Variants in CCDC83 observed in about 807,000 individuals in gnomAD.
CCDC83 encodes the protein coiled-coil domain containing 83.
CCDC83 carries 54 observed loss-of-function variants against 50.1 expected under a neutral mutation model. The observed-to-expected ratio is 1.08, with a 90% CI of 0.87 to 1.35. The LOEUF (loss-of-function observed/expected upper bound fraction) is 1.35. Among genes scored for constraint, CCDC83 ranks in the 40% most tolerant of loss-of-function variants. The pLI, the probability that CCDC83 is intolerant of heterozygous loss-of-function variation, is 0.00. For missense variants in CCDC83, 518 were observed against 473.9 expected, an observed-to-expected ratio of 1.09 and a Z score of -0.86; for synonymous variants, 161 against 153.3, an observed-to-expected ratio of 1.05 and a Z score of -0.37.
chr11:85,891,021 G>T (rs1433044423), intron 5 of CCDC83, among the ~76,000 whole-genome samples: 1 of 152,108 alleles, frequency 6.6e-6, no homozygotes, highest in African/African-American at 2.4e-5. Flanking sequence ...GGAAAGGGAA[G>T]ACTGAAGACA....
chr11:85,886,424 C>A (rs1453696015), intron 5 of CCDC83, 57 bp downstream of exon 5: 3 of 1,384,384 alleles, frequency 2.2e-6, no homozygotes, highest in Admixed American at 2.5e-5. Flanking sequence ...GTAGGGCATA[C>A]ATTGATGGAA....
intron 2 of CCDC83, among the ~76,000 whole-genome samples, chr11:85,870,449 A>C (rs1211500456): frequency 6.6e-6 from 1 of 152,256 alleles, no homozygotes; most frequent in African/African-American, 2.4e-5. Flanking sequence ...GGTTCTTTTC[A>C]GATAATTTTC....
intron 3 of CCDC83, among the ~76,000 whole-genome samples, chr11:85,879,630 T>C (rs1448162895): frequency 6.6e-6 from 1 of 152,052 alleles, no homozygotes; most frequent in African/African-American, 2.4e-5. Flanking sequence ...AACAATTTTT[T>C]TTTTTTTGAG....
In CCDC83 at chr11:85,916,060, G is replaced by T; in HGVS notation, c.907G>T (p.Glu303Ter). 1 of 1,612,356 alleles carries T rather than the reference G, an allele frequency of 6.2e-7. No homozygotes were observed. Among genetic ancestry groups the T allele is most frequent in the Non-Finnish European group, 8.5e-7 (1 of 1,179,228 alleles). ...EKSELQPTEV[E>*]SRDLMSSSDE... ...GTCAGAATTGCAACCCACAGAAGTA[G>T]AAAGTAGAGACTTGATGTCCTCATC... The change falls in exon 10 of 11, where the codon GAA becomes TAA. Residue 303 changes from glutamate to a stop codon, truncating the protein, a stop_gained. Coordinates refer to ENST00000342404, the MANE Select transcript of CCDC83 (RefSeq NM_001286159.2). LOFTEE classifies it high-confidence loss of function.
intron 8 of CCDC83, 136 bp downstream of exon 8, chr11:85,911,538 A>T (rs1365574784): frequency 1.2e-5 from 8 of 680,700 alleles, no homozygotes; most frequent in East Asian, 3.0e-5. Flanking sequence ...GACAAAAAAA[A>T]TGCTCATGGT....
chr11:85,859,178 A>G (rs1245279080), intron 1 of CCDC83, among the ~76,000 whole-genome samples: 1 of 148,788 alleles, frequency 6.7e-6, no homozygotes, highest in Admixed American at 6.7e-5. Context: ...AAAAAAAAAA[A>G]AACCCCTAGG....
chr11:85,869,315 C>T (rs1238868431), intron 2 of CCDC83, among the ~76,000 whole-genome samples: 1 of 152,172 alleles, frequency 6.6e-6, no homozygotes, highest in African/African-American at 2.4e-5. Flanking sequence ...TAAACCAATA[C>T]TAAATCTATA....
At chr11:85,911,258 T>C in intron 7 of CCDC83, 23 bp from the exon 8 acceptor site, 2 of 1,572,410 alleles carry the variant, frequency 1.3e-6, no homozygotes, top group Non-Finnish European at 1.7e-6. Flanking sequence ...GTACCAACAT[T>C]CATTCTCTTC....
intron 1 of CCDC83, among the ~76,000 whole-genome samples, chr11:85,859,384 C>T (rs2093162108): frequency 6.6e-6 from 1 of 152,094 alleles, no homozygotes; most frequent in Admixed American, 6.6e-5. Context: ...ACAATAAGAG[C>T]AAAGCCAGGG....
At position 85,867,017 on chromosome 11, in the gene CCDC83, T is replaced by C. The variant is rs140689112; in HGVS notation, c.95+1799T>C. Among the ~76,000 whole-genome samples the C allele has an allele frequency of 5.3e-5, 8 of 152,288 alleles. No individual in the cohort carries two copies. The East Asian group carries it at 1.5e-3, about 29-fold the overall frequency. ...TATTAGAGGAGTATAAAGTTGAAGA[T>C]GGAGAGCCCATGATGCTAGTGACTA... On this transcript the variant is annotated intron_variant, in intron 2 of 10. Coordinates refer to ENST00000342404, the MANE Select transcript of CCDC83 (RefSeq NM_001286159.2).
intron 1 of CCDC83, among the ~76,000 whole-genome samples, chr11:85,859,084 T>C (rs2093159565): frequency 7.4e-6 from 1 of 135,238 alleles, no homozygotes; most frequent in African/African-American, 2.8e-5. Context: ...AAAAAGAGAA[T>C]AATCTGGTCC....
At chr11:85,899,548 C>T (rs1410340925) in intron 7 of CCDC83, among the ~76,000 whole-genome samples, 2 of 152,186 alleles carry the variant, frequency 1.3e-5, no homozygotes, top group East Asian at 3.8e-4. Flanking sequence ...CAGGCTTGGA[C>T]TTTGATTATC....
chr11:85,861,837 CCT>C (rs924490264), intron 1 of CCDC83, among the ~76,000 whole-genome samples: 3 of 151,666 alleles, frequency 2.0e-5, no homozygotes, highest in East Asian at 3.9e-4. Flanking sequence ...GGCAAAACCC[CCT>C]CTTTACAAAA....
intron 1 of CCDC83, among the ~76,000 whole-genome samples, chr11:85,861,289 G>T (rs1237809716): frequency 6.6e-6 from 1 of 152,186 alleles, no homozygotes; most frequent in Non-Finnish European, 1.5e-5. Context: ...AAGGCTTTTG[G>T]AAGTACTGCA....
intron 1 of CCDC83, among the ~76,000 whole-genome samples, chr11:85,856,364 C>CCTCA (rs2093141060): frequency 1.3e-5 from 2 of 152,192 alleles, no homozygotes; most frequent in South Asian, 4.1e-4. Flanking sequence ...TTTTTGTTCT[C>CCTCA]TACCATTATT....
intron 10 of CCDC83, among the ~76,000 whole-genome samples, chr11:85,918,811 A>C (rs1295806129): frequency 6.6e-6 from 1 of 152,218 alleles, no homozygotes; most frequent in Non-Finnish European, 1.5e-5. Context: ...GAAAAGGAGC[A>C]GGTAGGGGAA....
At chr11:85,875,460 A>C (rs941112105) in intron 3 of CCDC83, among the ~76,000 whole-genome samples, 1 of 152,090 alleles carries the variant, frequency 6.6e-6, no homozygotes, top group Non-Finnish European at 1.5e-5. Context: ...AAACCAATCT[A>C]TTTATTTATG....
At chr11:85,887,387 G>A (rs2093332102) in intron 5 of CCDC83, among the ~76,000 whole-genome samples, 1 of 152,214 alleles carries the variant, frequency 6.6e-6, no homozygotes, top group Admixed American at 6.5e-5. Flanking sequence ...CCTGCGTTGT[G>A]GAGGGGTTCC....
At chr11:85,872,446 C>T (rs1258904872) in intron 2 of CCDC83, among the ~76,000 whole-genome samples, 1 of 152,098 alleles carries the variant, frequency 6.6e-6, no homozygotes, top group Non-Finnish European at 1.5e-5. Flanking sequence ...GAACATGCAA[C>T]TGCACTCCAG....
Sources: gnomAD v4.1 joint callset for allele counts (sites outside exome capture counted in the v4.1 genomes callset) on GRCh38, gnomAD v4.1.1 for gene constraint, MANE v1.5 for transcripts, NCBI Gene and HGNC (gene_info 2026-07-23, HGNC 2026-07-21) for gene names.